Variants in LRRTM4 observed in about 807,000 individuals in gnomAD.
LRRTM4 encodes the protein leucine rich repeat transmembrane neuronal 4.
A neutral mutation model predicts 47.6 loss-of-function variants in LRRTM4; 25 were observed. That is an observed-to-expected ratio of 0.53 (90% CI 0.38 to 0.73). The LOEUF (loss-of-function observed/expected upper bound fraction) is 0.73. Among genes scored for constraint, LRRTM4 ranks in the 30% least tolerant of loss-of-function variants. The pLI, the probability that LRRTM4 is intolerant of heterozygous loss-of-function variation, is 0.00. For missense variants in LRRTM4, 638 were observed against 713.4 expected (o/e 0.89, Z 1.20); for synonymous variants, 311 against 269.5 (o/e 1.15, Z -1.51).
chr2:77,011,037 G>C (rs575837961), intron 3 of LRRTM4, among the ~76,000 whole-genome samples: 1 of 152,130 alleles, frequency 6.6e-6, no homozygotes, highest in South Asian at 2.1e-4. Context: ...TTTTTGATCA[G>C]ACAGTCAGAA....
At chr2:77,356,318 G>A (rs1395997657) in intron 3 of LRRTM4, among the ~76,000 whole-genome samples, 1 of 152,156 alleles carries the variant, frequency 6.6e-6, no homozygotes. Context: ...ACCCAGGCTT[G>A]ACGTTGTAAG....
chr2:76,765,901 G>A (rs1049105630), intron 3 of LRRTM4, among the ~76,000 whole-genome samples: 1 of 152,196 alleles, frequency 6.6e-6, no homozygotes, highest in Non-Finnish European at 1.5e-5. Context: ...GAAGCATTTT[G>A]TGAGAAAGTA....
At chr2:77,081,971 C>G (rs1034919633) in intron 3 of LRRTM4, among the ~76,000 whole-genome samples, 1 of 152,024 alleles carries the variant, frequency 6.6e-6, no homozygotes, top group Non-Finnish European at 1.5e-5. Context: ...AATTTCATCA[C>G]AAAGAGATTA....
chr2:76,811,571 C>T (rs891416926), intron 3 of LRRTM4, among the ~76,000 whole-genome samples: 2 of 152,130 alleles, frequency 1.3e-5, no homozygotes, highest in African/African-American at 4.8e-5. Context: ...TCATTTCAGT[C>T]AGGAGGTCTA....
intron 3 of LRRTM4, among the ~76,000 whole-genome samples, chr2:77,483,561 G>A (rs188359677): frequency 2.0e-5 from 3 of 152,156 alleles, no homozygotes; most frequent in South Asian, 2.1e-4. Flanking sequence ...AGCTGCTCTC[G>A]AGCCACGGAC....
rs555184562 is a variant in LRRTM4 at position 77,062,381 on chromosome 2, C to T, written c.1552-313465G>A. On this transcript the variant is annotated intron_variant, in intron 3 of 3. Coordinates refer to ENST00000409884, the MANE Select transcript of LRRTM4 (RefSeq NM_001134745.3). ...TGTTAGAGTCCTACATAACAGAATTCGAGTCCCTGCAGGAAAATGATAAAA... is the reference window on the plus strand; with the variant it reads ...TGTTAGAGTCCTACATAACAGAATTTGAGTCCCTGCAGGAAAATGATAAAA... 1.6e-4 allele frequency among the ~76,000 whole-genome samples: 25 copies of T among 152,254 alleles called. No individual in the cohort carries two copies. The South Asian group carries it at 4.8e-3, about 29-fold the overall frequency.
chr2:77,104,647 G>C (rs1247844124), intron 3 of LRRTM4, among the ~76,000 whole-genome samples: 1 of 152,112 alleles, frequency 6.6e-6, no homozygotes, highest in Non-Finnish European at 1.5e-5. Flanking sequence ...CACAAGATCC[G>C]ACAGACCTGA....
intron 3 of LRRTM4, among the ~76,000 whole-genome samples, chr2:77,200,144 T>G (rs1017572501): frequency 1.3e-5 from 2 of 152,066 alleles, no homozygotes; most frequent in African/African-American, 4.8e-5. Context: ...GAACCCCTAT[T>G]TCTTTTATTA....
At chr2:76,910,876 A>C (rs549872220) in intron 3 of LRRTM4, among the ~76,000 whole-genome samples, 4 of 152,162 alleles carry the variant, frequency 2.6e-5, no homozygotes, top group African/African-American at 9.6e-5. Context: ...ATTCTTGTGC[A>C]TTCTGCGTCT....
At chr2:77,054,338 G>C (rs894442429) in intron 3 of LRRTM4, among the ~76,000 whole-genome samples, 1 of 152,158 alleles carries the variant, frequency 6.6e-6, no homozygotes, top group Non-Finnish European at 1.5e-5. Flanking sequence ...TGAATAAAAT[G>C]TAAGTATGTC....
chr2:76,984,133 T>TA (rs1005175189), intron 3 of LRRTM4, among the ~76,000 whole-genome samples: 1 of 151,814 alleles, frequency 6.6e-6, no homozygotes, highest in African/African-American at 2.4e-5. Context: ...AATTGCATTT[T>TA]AAAAAAATAG....
intron 3 of LRRTM4, among the ~76,000 whole-genome samples, chr2:77,036,228 G>A (rs896221022): frequency 4.6e-5 from 7 of 151,454 alleles, no homozygotes; most frequent in African/African-American, 1.7e-4. Flanking sequence ...CATTATGGGA[G>A]AAGATAAAAA....
chr2:77,253,890 A>G (rs1440681559), intron 3 of LRRTM4, among the ~76,000 whole-genome samples: 5 of 152,128 alleles, frequency 3.3e-5, no homozygotes, highest in Non-Finnish European at 7.4e-5. Context: ...AAGATCTAAC[A>G]TTCATGTTCA....
intron 3 of LRRTM4, among the ~76,000 whole-genome samples, chr2:77,296,083 T>G (rs1220173002): frequency 6.6e-6 from 1 of 152,214 alleles, no homozygotes; most frequent in African/African-American, 2.4e-5. Flanking sequence ...ACTGTTTTGC[T>G]CTGACAGATA....
At chr2:77,027,268 T>C (rs761628744) in intron 3 of LRRTM4, among the ~76,000 whole-genome samples, 2 of 152,206 alleles carry the variant, frequency 1.3e-5, no homozygotes, top group African/African-American at 2.4e-5. Context: ...AATGGGGAAA[T>C]AGATGCTTTA....
At chr2:76,890,500 T>C (rs190723734) in intron 3 of LRRTM4, among the ~76,000 whole-genome samples, 1 of 152,136 alleles carries the variant, frequency 6.6e-6, no homozygotes, top group African/African-American at 2.4e-5. Context: ...GACTGTTTAA[T>C]GTTCATATTG....
chr2:76,780,401 T>A (rs1223512161), intron 3 of LRRTM4, among the ~76,000 whole-genome samples: 2 of 152,174 alleles, frequency 1.3e-5, no homozygotes, highest in Non-Finnish European at 2.9e-5. Flanking sequence ...GGTACACCAA[T>A]CAGACGTAGA....
At chr2:77,013,191 C>G (rs1677937944) in intron 3 of LRRTM4, among the ~76,000 whole-genome samples, 1 of 152,146 alleles carries the variant, frequency 6.6e-6, no homozygotes, top group South Asian at 2.1e-4. Flanking sequence ...AAAGGTATAA[C>G]CACTGAAGCA....
At chr2:77,089,070 C>T (rs902800367) in intron 3 of LRRTM4, among the ~76,000 whole-genome samples, 4 of 152,088 alleles carry the variant, frequency 2.6e-5, no homozygotes, top group Non-Finnish European at 5.9e-5. Context: ...ATTATACGCC[C>T]ACGTTTCAAG....
Sources: allele counts gnomAD v4.1 joint callset (sites outside exome capture counted in the v4.1 genomes callset), GRCh38; gene constraint gnomAD v4.1.1; transcripts MANE v1.5; gene names NCBI Gene and HGNC (gene_info 2026-07-23, HGNC 2026-07-21).